XXYLT1: variants seen among roughly 807,000 people sequenced by gnomAD.
XXYLT1 encodes xyloside xylosyltransferase 1, also known as UDP-xylose:alpha-xyloside alpha-1,3-xylosyltransferase.
XXYLT1 carries 20 observed loss-of-function variants against 28.9 expected under a neutral mutation model. The observed-to-expected ratio is 0.69, with a 90% CI of 0.49 to 1.00. XXYLT1 has a LOEUF of 1.00. Among genes scored for constraint, XXYLT1 ranks in the 50% least tolerant of loss-of-function variants. The pLI, the probability that XXYLT1 is intolerant of heterozygous loss-of-function variation, is 0.00. For missense variants in XXYLT1, 542 were observed against 560.1 expected, an observed-to-expected ratio of 0.97 and a Z score of 0.33; for synonymous variants, 257 against 253.8, an observed-to-expected ratio of 1.01 and a Z score of -0.12.
chr3:195,122,920 C>G (rs1173542865), intron 3 of XXYLT1, among the ~76,000 whole-genome samples: 1 of 152,142 alleles, frequency 6.6e-6, no homozygotes, highest in Non-Finnish European at 1.5e-5. Flanking sequence ...CTGGAAAGGA[C>G]CAGGTGCTAT....
chr3:195,143,329 T>TA (rs1341825543), intron 3 of XXYLT1, among the ~76,000 whole-genome samples: 1 of 152,102 alleles, frequency 6.6e-6, no homozygotes. Context: ...AAACCAGAGG[T>TA]CTCAACCTGG....
chr3:195,109,651 ATGTGTGCG>A, intron 3 of XXYLT1, among the ~76,000 whole-genome samples: 1 of 117,564 alleles, frequency 8.5e-6, no homozygotes, highest in African/African-American at 3.4e-5. Flanking sequence ...TGTGTGGTGT[ATGTGTGCG>A]TGTGTGTGGT....
chr3:195,134,844 TGTGTGTGTGTGTGTGTGTGTGTGTGC>T (rs1719092550), intron 3 of XXYLT1, among the ~76,000 whole-genome samples: 1 of 127,678 alleles, frequency 7.8e-6, no homozygotes, highest in Non-Finnish European at 1.6e-5. Flanking sequence ...TGTGTGTGTG[TGTGTGTGTGTGTGTGTGTGTGTGTGC>T]GTGTGCGCGC....
intron 1 of XXYLT1, among the ~76,000 whole-genome samples, chr3:195,260,859 G>C (rs531544718): frequency 1.4e-4 from 21 of 152,362 alleles, no homozygotes; most frequent in African/African-American, 5.0e-4. Flanking sequence ...AAGCAGATGA[G>C]AGGGAAGCTG....
intron 2 of XXYLT1, among the ~76,000 whole-genome samples, chr3:195,181,287 C>T (rs1013757584): frequency 2.6e-5 from 4 of 152,148 alleles, no homozygotes; most frequent in African/African-American, 9.7e-5. Context: ...GGCTGCGTGG[C>T]TGCGGGGCTG....
At chr3:195,163,381 TTCCA>T (rs1208869445) in intron 2 of XXYLT1, among the ~76,000 whole-genome samples, 1 of 152,116 alleles carries the variant, frequency 6.6e-6, no homozygotes, top group Non-Finnish European at 1.5e-5. Flanking sequence ...CTAACAAAGG[TTCCA>T]TCCTGCTGCC....
intron 1 of XXYLT1, among the ~76,000 whole-genome samples, chr3:195,254,032 G>A (rs917163294): frequency 5.3e-5 from 8 of 152,198 alleles, no homozygotes; most frequent in African/African-American, 1.7e-4. Flanking sequence ...CTGTGCACCA[G>A]GGGGCACCCC....
At chr3:195,175,723 T>A (rs1440945018) in intron 2 of XXYLT1, 68 of 1,535,840 alleles carry the variant, frequency 4.4e-5, no homozygotes, top group Admixed American at 2.0e-4. Flanking sequence ...TGTGCAACTC[T>A]GGACTGTAGC....
intron 3 of XXYLT1, among the ~76,000 whole-genome samples, chr3:195,122,444 G>GAGTAGTACTACTTGGTAGTACTGT (rs1553806421): frequency 0.034 from 5,097 of 152,138 alleles, 129 homozygotes; most frequent in Middle Eastern, 0.12. Flanking sequence ...CAGCAGTACT[G>GAGTAGTACTACTTGGTAGTACTGT]AGTAGTACTA....
At chr3:195,245,998 C>T (rs566797122) in intron 1 of XXYLT1, among the ~76,000 whole-genome samples, 23 of 152,286 alleles carry the variant, frequency 1.5e-4, no homozygotes, top group Non-Finnish European at 3.1e-4. Context: ...TACACAATCT[C>T]GGATATCTCT....
intron 1 of XXYLT1, among the ~76,000 whole-genome samples, chr3:195,231,975 T>G (rs1724319780): frequency 6.6e-6 from 1 of 152,166 alleles, no homozygotes; most frequent in South Asian, 2.1e-4. Flanking sequence ...GTATTACTTC[T>G]TCTTTAAATG....
At chr3:195,082,256 G>A (rs1715476731) in intron 3 of XXYLT1, among the ~76,000 whole-genome samples, 1 of 152,170 alleles carries the variant, frequency 6.6e-6, no homozygotes, top group African/African-American at 2.4e-5. Context: ...AGAGTCCTTA[G>A]GTTTGTCCTA....
At chr3:195,162,501 T>C (rs1481317857) in intron 2 of XXYLT1, among the ~76,000 whole-genome samples, 2 of 152,240 alleles carry the variant, frequency 1.3e-5, no homozygotes, top group East Asian at 1.9e-4. Context: ...ATATATTCGC[T>C]GTACAACAAA....
At chr3:195,123,690 C>T (rs1718480667) in intron 3 of XXYLT1, among the ~76,000 whole-genome samples, 1 of 152,192 alleles carries the variant, frequency 6.6e-6, no homozygotes, top group Admixed American at 6.5e-5. Context: ...AGTGCCACCA[C>T]CAGTGAGCAT....
intron 1 of XXYLT1, among the ~76,000 whole-genome samples, chr3:195,245,263 C>T (rs1467392695): frequency 1.3e-5 from 2 of 149,264 alleles, no homozygotes; most frequent in South Asian, 2.1e-4. Flanking sequence ...CGGGTTCAAG[C>T]GATTCTCCTG....
At chr3:195,090,014 A>C (rs1255060407) in intron 3 of XXYLT1, among the ~76,000 whole-genome samples, 3 of 148,702 alleles carry the variant, frequency 2.0e-5, no homozygotes, top group Admixed American at 1.3e-4. Context: ...CAGGAGCACC[A>C]AGATTCATAA....
At chr3:195,151,347 C>G (rs1331786228) in intron 3 of XXYLT1, among the ~76,000 whole-genome samples, 1 of 151,880 alleles carries the variant, frequency 6.6e-6, no homozygotes. Context: ...AGTTCGAGAC[C>G]AGCCTGGCCA....
At chr3:195,247,082 G>A (rs907883742) in intron 1 of XXYLT1, among the ~76,000 whole-genome samples, 2 of 152,096 alleles carry the variant, frequency 1.3e-5, no homozygotes, top group African/African-American at 4.8e-5. Context: ...ATCATGTTTT[G>A]CTTTTTGACA....
chr3:195,233,474 G>A (rs1033924887), intron 1 of XXYLT1, among the ~76,000 whole-genome samples: 3 of 152,096 alleles, frequency 2.0e-5, no homozygotes, highest in South Asian at 4.1e-4. Context: ...CTGGTGTTAT[G>A]TTTTATTTTC....
Sources: gnomAD v4.1 joint callset for allele counts (sites outside exome capture counted in the v4.1 genomes callset) on GRCh38, gnomAD v4.1.1 for gene constraint, MANE v1.5 for transcripts, NCBI Gene and HGNC (gene_info 2026-07-23, HGNC 2026-07-21) for gene names.